Variants in NFASC observed in about 807,000 individuals in gnomAD.
The protein encoded by NFASC is neurofascin.
NFASC carries 43 observed loss-of-function variants against 147.5 expected under a neutral mutation model. That is an observed-to-expected ratio of 0.29 (90% CI 0.23 to 0.38). The LOEUF (loss-of-function observed/expected upper bound fraction) is 0.38, where lower values mean the gene tolerates loss of function less well. NFASC is among the 10% of genes least tolerant of loss of function. The pLI is 1.00. For missense variants in NFASC, 1,320 were observed against 1,689.0 expected (o/e 0.78, Z 3.83); for synonymous variants, 622 against 665.5 (o/e 0.93, Z 1.01).
At chr1:205,002,019 T>C (rs917088914) in intron 26 of NFASC, among the ~76,000 whole-genome samples, 5 of 152,182 alleles carry the variant, frequency 3.3e-5, no homozygotes, top group African/African-American at 1.2e-4. Context: ...GGAGTTCACA[T>C]CCACAGCACC....
intron 1 of NFASC, among the ~76,000 whole-genome samples, chr1:204,883,326 T>A (rs1469645659): frequency 6.6e-6 from 1 of 152,078 alleles, no homozygotes; most frequent in Non-Finnish European, 1.5e-5. Context: ...AAGTCGAAAT[T>A]TGAGTGAGTG....
chr1:204,938,198 T>TG (rs1368399981), intron 2 of NFASC, among the ~76,000 whole-genome samples: 2 of 152,122 alleles, frequency 1.3e-5, no homozygotes, highest in African/African-American at 4.8e-5. Context: ...GCCCCCAATG[T>TG]GGGGAAAGAA....
At chr1:204,856,829 T>C (rs2076198484) in intron 1 of NFASC, among the ~76,000 whole-genome samples, 1 of 152,260 alleles carries the variant, frequency 6.6e-6, no homozygotes, top group Non-Finnish European at 1.5e-5. Flanking sequence ...TCAAGGTTCA[T>C]CCACATTGCG....
rs2096226652 is a variant in NFASC, at chr1:205,010,202, G to C, written c.3421+514G>C. ...ACCACTAGCAAGGGTCAGAAGCGAG[G>C]AGCAGGGAGAGGCTGAAGATGGGTG... is the stretch of plus-strand genomic sequence containing the variant. On this transcript the variant is annotated intron_variant, in intron 28 of 29. Transcript: ENST00000339876. The surrounding 1 kb of genome is among the most constrained non-coding windows in gnomAD (Gnocchi z 4.1). 6.3e-6 allele frequency: 1 copy of C among 158,368 alleles called. No individual in the cohort carries two copies. The highest frequency in any genetic ancestry group is 6.0e-5 in the Admixed American group (1 of 16,532). 9.8% of individuals were successfully genotyped at this position (158,368 alleles called of 1,614,324 possible).
intron 3 of NFASC, among the ~76,000 whole-genome samples, chr1:204,950,328 G>T (rs72751464): frequency 6.6e-6 from 1 of 152,150 alleles, no homozygotes; most frequent in Non-Finnish European, 1.5e-5. Context: ...GGTCACCCAG[G>T]GGAGGCGTCA....
intron 10 of NFASC, among the ~76,000 whole-genome samples, chr1:204,970,074 C>CAAAAA (rs11307141): frequency 6.1e-4 from 40 of 65,402 alleles, no homozygotes; most frequent in South Asian, 2.3e-3. Context: ...GACTCCATCT[C>CAAAAA]AAAAAAAAAA....
intron 1 of NFASC, among the ~76,000 whole-genome samples, chr1:204,851,655 T>G (rs1048146880): frequency 6.6e-6 from 1 of 152,138 alleles, no homozygotes; most frequent in Non-Finnish European, 1.5e-5. Context: ...TATTATCTAG[T>G]TAATCTGGAA....
intron 1 of NFASC, 88 bp from the exon 2 acceptor site, chr1:204,920,544 A>G: frequency 1.9e-6 from 1 of 539,138 alleles, no homozygotes; most frequent in Non-Finnish European, 3.0e-6. Flanking sequence ...TCCCCAGTGA[A>G]TGAGCAAGCT....
intron 2 of NFASC, among the ~76,000 whole-genome samples, chr1:204,935,663 A>G (rs2092753077): frequency 1.3e-5 from 2 of 152,106 alleles, no homozygotes; most frequent in African/African-American, 4.8e-5. Context: ...TGCATGGGGT[A>G]TAAGTAGGAG....
rs1574491094 is a variant in NFASC, at chr1:205,010,618, C to T, written c.3421+930C>T. 6.6e-6 allele frequency: 1 copy of T among 151,546 alleles called. No individual in the cohort carries two copies. The highest frequency in any genetic ancestry group is 2.0e-4 in the East Asian group (1 of 5,098). The allele number at this position is 151,546 out of a possible 1,614,324, so 9.4% of individuals were successfully genotyped here. On this transcript the variant is annotated intron_variant, in intron 28 of 29. Coordinates refer to ENST00000339876, the MANE Select transcript of NFASC (RefSeq NM_001005388.3). The surrounding 1 kb of genome is among the most constrained non-coding windows in gnomAD (Gnocchi z 4.1). ...AAATAAAATTTTTTAAAAGATCCTC[C>T]AGGCCGGGCGCAGTGGCTCACACCT...
At chr1:204,861,575 C>T (rs563387665) in intron 1 of NFASC, among the ~76,000 whole-genome samples, 6 of 152,264 alleles carry the variant, frequency 3.9e-5, no homozygotes, top group South Asian at 4.1e-4. Context: ...CTGCAAGCTC[C>T]GCCTTCAGGG....
At chr1:205,009,737 T>C in intron 28 of NFASC, 49 bp downstream of exon 28, 1 of 1,585,380 alleles carries the variant, frequency 6.3e-7, no homozygotes, top group Non-Finnish European at 8.6e-7. Flanking sequence ...ACGTCCACTT[T>C]CCCGTGAGTC....
chr1:204,931,373 T>C (rs1387056337), intron 2 of NFASC, among the ~76,000 whole-genome samples: 1 of 152,350 alleles, frequency 6.6e-6, no homozygotes, highest in Non-Finnish European at 1.5e-5. Context: ...ACAAGTTGTT[T>C]CCAGGCAGCT....
chr1:204,986,004 T>C lies in NFASC; in HGVS notation c.2471-1414T>C, dbSNP rs2095608416. On this transcript the variant is annotated intron_variant, in intron 21 of 29. Transcript: ENST00000339876. The surrounding 1 kb of genome is among the most constrained non-coding windows in gnomAD (Gnocchi z 4.2). The stretch of plus-strand genomic sequence containing the variant: ...TTCCCTGGTGACCGCCTCCGTGGCG[T>C]GGTGTCCCGCCTCTTCCCCTACAGT... The C allele has an allele frequency of 1.9e-6, 3 of 1,613,694 alleles. No homozygotes were observed. Among genetic ancestry groups the C allele is most frequent in the African/African-American group, 1.3e-5 (1 of 74,894 alleles).
Position 204,976,773 on chromosome 1 carries a change from C to G in NFASC, c.1809C>G (p.Ala603=), listed in dbSNP as rs1387813377. Residue 603 remains alanine, a synonymous_variant, in exon 16 of 30, where the codon GCC becomes GCG. Coordinates refer to ENST00000339876, the MANE Select transcript of NFASC (RefSeq NM_001005388.3). ...VASTELDQDL[A]KAYLTVLADQ... Reference sequence around the variant, plus strand: ...GCACCGAGCTAGACCAAGACCTGGCCAAGGCCTACCTCACCGTGCTAGGTA... The same window carrying G: ...GCACCGAGCTAGACCAAGACCTGGCGAAGGCCTACCTCACCGTGCTAGGTA... 16 of 1,613,940 alleles carry G rather than the reference C, an allele frequency of 9.9e-6. No homozygotes were observed. The highest frequency in any genetic ancestry group is 1.4e-5 in the Non-Finnish European group (16 of 1,179,880).
chr1:204,901,534 T>A (rs2084580535), intron 1 of NFASC, among the ~76,000 whole-genome samples: 1 of 152,174 alleles, frequency 6.6e-6, no homozygotes, highest in Non-Finnish European at 1.5e-5. Context: ...AGGTCATGGA[T>A]GACCTTGACA....
intron 1 of NFASC, among the ~76,000 whole-genome samples, chr1:204,916,942 C>T (rs1048206473): frequency 5.3e-4 from 81 of 152,198 alleles, no homozygotes; most frequent in African/African-American, 1.9e-3. Context: ...TCAGGCTGGG[C>T]ACGGTGGCAC....
chr1:204,920,809 T>A, intron 2 of NFASC, 69 bp downstream of exon 2: 2 of 690,926 alleles, frequency 2.9e-6, no homozygotes, highest in South Asian at 1.5e-5. Flanking sequence ...TCTCGCCTCC[T>A]GCCCCTTCTC....
At chr1:204,906,877 G>T (rs182274615) in intron 1 of NFASC, among the ~76,000 whole-genome samples, 4,121 of 152,182 alleles carry the variant, frequency 0.027, 179 homozygotes, top group African/African-American at 0.092. Flanking sequence ...TAGAGACGGG[G>T]TTTCACCATG....
Sources: allele counts gnomAD v4.1 joint callset (sites outside exome capture counted in the v4.1 genomes callset), GRCh38; gene constraint gnomAD v4.1.1; non-coding constraint Gnocchi (gnomAD v3.1); transcripts MANE v1.5; gene names NCBI Gene and HGNC (gene_info 2026-07-23, HGNC 2026-07-21).